Variants in AGMO observed in about 807,000 individuals in gnomAD.
AGMO encodes glyceryl-ether monooxygenase.
Under a neutral mutation model 60.2 loss-of-function variants are expected in AGMO, and 75 were observed. That is an observed-to-expected ratio of 1.25 (90% CI 1.03 to 1.51). The LOEUF (loss-of-function observed/expected upper bound fraction) is 1.51. AGMO is among the 40% of genes most tolerant of loss of function. AGMO has a pLI of 0.00. For missense variants in AGMO, 763 were observed against 525.5 expected (o/e 1.45, Z -4.42); for synonymous variants, 261 against 177.1 (o/e 1.47, Z -3.76).
At chr7:15,336,106 A>G (rs1272368313) in intron 12 of AGMO, among the ~76,000 whole-genome samples, 1 of 152,136 alleles carries the variant, frequency 6.6e-6, no homozygotes, top group Non-Finnish European at 1.5e-5. Flanking sequence ...TATTCCTTCT[A>G]TTTATTTAAA....
At chr7:15,214,743 C>T (rs1440432374) in intron 12 of AGMO, among the ~76,000 whole-genome samples, 1 of 151,696 alleles carries the variant, frequency 6.6e-6, no homozygotes, top group Non-Finnish European at 1.5e-5. Context: ...GTTGCTTTTG[C>T]GAGGGTCAAA....
intron 10 of AGMO, among the ~76,000 whole-genome samples, chr7:15,375,110 A>G (rs1783394176): frequency 6.6e-6 from 1 of 152,072 alleles, no homozygotes; most frequent in South Asian, 2.1e-4. Flanking sequence ...AACCTCTAGA[A>G]AAGAAAGATC....
intron 10 of AGMO, among the ~76,000 whole-genome samples, chr7:15,381,930 C>G (rs775204803): frequency 6.6e-6 from 1 of 152,042 alleles, no homozygotes; most frequent in Non-Finnish European, 1.5e-5. Flanking sequence ...AACAGAAAAC[C>G]AAATACTGCA....
At chr7:15,464,408 G>T (rs1369070080) in intron 3 of AGMO, among the ~76,000 whole-genome samples, 2 of 152,160 alleles carry the variant, frequency 1.3e-5, no homozygotes, top group Admixed American at 1.3e-4. Flanking sequence ...TCTCCAGCAT[G>T]CTGCATGTGA....
At chr7:15,450,434 GA>G (rs1025637602) in intron 3 of AGMO, among the ~76,000 whole-genome samples, 3 of 148,308 alleles carry the variant, frequency 2.0e-5, no homozygotes, top group Non-Finnish European at 3.0e-5. Context: ...AAAAAAAAAA[GA>G]AAAAAAATTT....
chr7:15,266,943 T>A (rs1046435077), intron 12 of AGMO, among the ~76,000 whole-genome samples: 4 of 152,004 alleles, frequency 2.6e-5, no homozygotes, highest in Non-Finnish European at 4.4e-5. Flanking sequence ...AGAGGCAATC[T>A]ACTCTCTAAA....
At chr7:15,136,146 AC>A in the AGMO span, among the ~76,000 whole-genome samples, 1 of 151,828 alleles carries the variant, frequency 6.6e-6, no homozygotes, top group Non-Finnish European at 1.5e-5. Flanking sequence ...GGCATGTGCC[AC>A]CACGCCAGGC....
intron 12 of AGMO, among the ~76,000 whole-genome samples, chr7:15,218,772 G>A (rs1465096799): frequency 1.3e-5 from 2 of 152,062 alleles, no homozygotes; most frequent in Admixed American, 6.6e-5. Flanking sequence ...CAAGAAGAAA[G>A]ACTAACTCAG....
At chr7:15,195,748 C>A (rs1371389275), downstream of AGMO, among the ~76,000 whole-genome samples, 1 of 152,174 alleles carries the variant, frequency 6.6e-6, no homozygotes, top group African/African-American at 2.4e-5. Context: ...GATTTAGGAG[C>A]TGCTTTTCTT....
intron 3 of AGMO, among the ~76,000 whole-genome samples, chr7:15,512,713 A>C (rs1783706456): frequency 6.6e-6 from 1 of 152,030 alleles, no homozygotes; most frequent in Non-Finnish European, 1.5e-5. Flanking sequence ...ATTTTCTAGA[A>C]ATTTTTCTAT....
intron 12 of AGMO, among the ~76,000 whole-genome samples, chr7:15,233,512 T>A (rs932011147): frequency 2.0e-5 from 3 of 150,390 alleles, no homozygotes; most frequent in Non-Finnish European, 4.4e-5. Context: ...TGGGGAGAGG[T>A]GGACTAGGGA....
chr7:15,218,335 G>GTGTA (rs1781810835), intron 12 of AGMO, among the ~76,000 whole-genome samples: 1 of 150,460 alleles, frequency 6.6e-6, no homozygotes, highest in African/African-American at 2.4e-5. Context: ...GTATGTGTGT[G>GTGTA]TGTGTGTGTG....
In AGMO at chr7:15,278,507, G is replaced by T. The variant is rs111806625; in HGVS notation, c.1264-77148C>A. On this transcript the variant is annotated intron_variant, in intron 12 of 12. Coordinates refer to ENST00000342526, the MANE Select transcript of AGMO (RefSeq NM_001004320.2). ...CAGGTGCTGGCTGTGATAGGGATGG[G>T]TGACTGGCCTCTAGGCCACAAGCAG... Among the ~76,000 whole-genome samples, 190 of 152,168 alleles carry T rather than the reference G, an allele frequency of 1.2e-3. 1 individual carries two copies. Among genetic ancestry groups the T allele is most frequent in the Middle Eastern group, 6.8e-3 (2 of 294 alleles).
chr7:15,152,084 T>A, the AGMO span, among the ~76,000 whole-genome samples: 1 of 152,168 alleles, frequency 6.6e-6, no homozygotes, highest in Non-Finnish European at 1.5e-5. Flanking sequence ...TGGGTGCATA[T>A]ATAGTTAAGA....
chr7:15,298,050 A>G (rs530538236), intron 12 of AGMO, among the ~76,000 whole-genome samples: 3 of 152,260 alleles, frequency 2.0e-5, no homozygotes, highest in African/African-American at 7.2e-5. Context: ...AGCCATACAA[A>G]TTTATGTCCT....
At chr7:15,387,062 C>T (rs959064328) in intron 9 of AGMO, among the ~76,000 whole-genome samples, 5 of 152,134 alleles carry the variant, frequency 3.3e-5, no homozygotes, top group African/African-American at 9.7e-5. Context: ...AGGCTCCCTC[C>T]GTCTCTAGTG....
chr7:15,299,886 C>CACACACACAAAA (rs774065679), intron 12 of AGMO, among the ~76,000 whole-genome samples: 5 of 114,692 alleles, frequency 4.4e-5, no homozygotes, highest in African/African-American at 2.1e-4. Flanking sequence ...CACACACACA[C>CACACACACAAAA]AGTATGTTTT....
intron 2 of AGMO, among the ~76,000 whole-genome samples, chr7:15,547,726 G>A (rs1364325843): frequency 6.6e-6 from 1 of 151,966 alleles, no homozygotes; most frequent in South Asian, 2.1e-4. Context: ...CAAGGCGGCA[G>A]CGAGGCTGGG....
At chr7:15,382,237 A>C (rs747187766) in intron 10 of AGMO, among the ~76,000 whole-genome samples, 4 of 152,192 alleles carry the variant, frequency 2.6e-5, no homozygotes, top group Non-Finnish European at 5.9e-5. Context: ...CAACTTTCTG[A>C]AAATCTATTT....
Sources: gnomAD v4.1 joint callset for allele counts (sites outside exome capture counted in the v4.1 genomes callset) on GRCh38, gnomAD v4.1.1 for gene constraint, MANE v1.5 for transcripts, NCBI Gene and HGNC (gene_info 2026-07-23, HGNC 2026-07-21) for gene names.